Variants in PHYH observed in about 807,000 individuals in gnomAD.
PHYH encodes phytanoyl-CoA 2-hydroxylase.
A neutral mutation model predicts 38.5 loss-of-function variants in PHYH; 32 were observed. The ratio of observed to expected loss-of-function variants is 0.83; its 90% confidence interval spans 0.63 to 1.12. PHYH has a LOEUF of 1.12. Ranked by LOEUF, PHYH falls within the 50% of genes most tolerant of loss-of-function variation. The pLI is 0.00. For missense variants in PHYH, 426 were observed against 434.8 expected, an observed-to-expected ratio of 0.98 and a Z score of 0.18; for synonymous variants, 166 against 157.9, an observed-to-expected ratio of 1.05 and a Z score of -0.38.
chr10:13,281,244 G>A, intron 7 of PHYH, 134 bp from the exon 8 acceptor site: 1 of 842,916 alleles, frequency 1.2e-6, no homozygotes, highest in Non-Finnish European at 2.0e-6. Flanking sequence ...CAGGTCCATT[G>A]CATCCTGTGT....
chr10:13,279,611 C>A (rs1029710098), intron 8 of PHYH, among the ~76,000 whole-genome samples: 3 of 152,168 alleles, frequency 2.0e-5, no homozygotes, highest in East Asian at 3.9e-4. Flanking sequence ...ACTGCCCCAC[C>A]GGGTTTTGGT....
chr10:13,295,739 T>C, intron 2 of PHYH, 133 bp from the exon 3 acceptor site: 1 of 637,526 alleles, frequency 1.6e-6, no homozygotes, highest in Non-Finnish European at 2.8e-6. Flanking sequence ...AGTTTGAGAC[T>C]AGCCCAGGCA....
chr10:13,280,464 G>C (rs1261767261), intron 8 of PHYH, among the ~76,000 whole-genome samples: 1 of 152,248 alleles, frequency 6.6e-6, no homozygotes, highest in Middle Eastern at 3.4e-3. Context: ...CAGCCTTCGA[G>C]TAGCTGGGAC....
rs917549245 is a variant in PHYH, at chr10:13,283,600, T to G, written c.828+90A>C. On this transcript the variant is annotated intron_variant, in intron 7 of 8. Coordinates refer to ENST00000263038, the MANE Select transcript of PHYH (RefSeq NM_006214.4). ...ATGTTAATGCAATTTAATTAAAATT[T>G]TATTCAATTAATTTGAATTCAATGA... 1.1e-5 allele frequency: 14 copies of G among 1,327,472 alleles called. No individual in the cohort carries two copies. The African/African-American group carries it at 1.9e-4, about 18-fold the overall frequency. 82.2% of individuals were successfully genotyped at this position (1,327,472 alleles called of 1,614,324 possible).
Position 13,278,217 on chromosome 10 carries a change from C to A in PHYH, c.*84G>T. 1.1e-6 allele frequency: 1 copy of A among 894,594 alleles called. No individual in the cohort carries two copies. Among genetic ancestry groups the A allele is most frequent in the Non-Finnish European group, 1.9e-6 (1 of 530,078 alleles). The allele number at this position is 894,594 out of a possible 1,614,324, so 55.4% of individuals were successfully genotyped here. Reference sequence around the variant, plus strand: ...TTTTAACAAGTGATAGAAAAGGTTACATCATCTCATTAAGAAAACATTTTC... The same window carrying A: ...TTTTAACAAGTGATAGAAAAGGTTAAATCATCTCATTAAGAAAACATTTTC... On this transcript the variant is annotated 3_prime_UTR_variant, in exon 9 of 9. Coordinates refer to ENST00000263038, the MANE Select transcript of PHYH (RefSeq NM_006214.4).
At chr10:13,292,566 G>A (rs565632098) in intron 4 of PHYH, among the ~76,000 whole-genome samples, 17 of 152,152 alleles carry the variant, frequency 1.1e-4, no homozygotes, top group South Asian at 4.1e-4. Flanking sequence ...TGGTTTAGTC[G>A]TGGGGCCTGG....
chr10:13,280,257 T>G (rs922617660), intron 8 of PHYH, among the ~76,000 whole-genome samples: 5 of 151,998 alleles, frequency 3.3e-5, no homozygotes, highest in African/African-American at 1.2e-4. Flanking sequence ...GTGAGCCACC[T>G]CGCCCAGCCA....
chr10:13,299,081 C>T (rs1401457512), intron 1 of PHYH, among the ~76,000 whole-genome samples: 5 of 145,962 alleles, frequency 3.4e-5, no homozygotes, highest in Non-Finnish European at 1.5e-5. Flanking sequence ...GAGCCGAGAT[C>T]GTACCACTAC....
At chr10:13,287,095 C>G (rs1356208784) in intron 6 of PHYH, among the ~76,000 whole-genome samples, 1 of 152,144 alleles carries the variant, frequency 6.6e-6, no homozygotes, top group Non-Finnish European at 1.5e-5. Flanking sequence ...AATCCTAGCA[C>G]TTTGGGAGGC....
chr10:13,293,090 T>C (rs1170290955), intron 4 of PHYH, among the ~76,000 whole-genome samples: 2 of 152,146 alleles, frequency 1.3e-5, no homozygotes, highest in African/African-American at 4.8e-5. Flanking sequence ...GCAATTTGAG[T>C]ATGAAACCCT....
At chr10:13,290,548 G>A (rs1165175092) in intron 5 of PHYH, among the ~76,000 whole-genome samples, 2 of 151,896 alleles carry the variant, frequency 1.3e-5, no homozygotes, top group Non-Finnish European at 2.9e-5. Flanking sequence ...CTCTCTCATG[G>A]CTGATTTTTA....
At chr10:13,295,373 A>C (rs1420828596) in intron 3 of PHYH, 123 bp downstream of exon 3, 1 of 693,582 alleles carries the variant, frequency 1.4e-6, no homozygotes. Flanking sequence ...CATGCTTCTA[A>C]ACACTTCCCA....
intron 6 of PHYH, among the ~76,000 whole-genome samples, chr10:13,285,435 C>T (rs939182409): frequency 2.0e-5 from 3 of 152,070 alleles, no homozygotes; most frequent in Non-Finnish European, 4.4e-5. Context: ...CCACCCGCCA[C>T]GGCCTCCCAA....
chr10:13,299,534 G>T (rs1469323351), intron 1 of PHYH: 4 of 1,008,274 alleles, frequency 4.0e-6, no homozygotes, highest in East Asian at 1.1e-4. Flanking sequence ...GGAGGGCACC[G>T]TCCTCTCCCC....
chr10:13,277,949 G>T lies in PHYH; in HGVS notation c.*352C>A. On this transcript the variant is annotated 3_prime_UTR_variant, in exon 9 of 9. Coordinates refer to ENST00000263038, the MANE Select transcript of PHYH (RefSeq NM_006214.4). ...TAGGGAATGGGTTTATCAGAAAGGGGATACAAAACATACCCTAAGCTCCAA... is the reference window on the plus strand; with the variant it reads ...TAGGGAATGGGTTTATCAGAAAGGGTATACAAAACATACCCTAAGCTCCAA... 2 of 332,258 alleles carry T rather than the reference G, an allele frequency of 6.0e-6. No individual in the cohort carries two copies. Among genetic ancestry groups the T allele is most frequent in the South Asian group, 5.3e-5 (2 of 37,432 alleles). 20.6% of individuals were successfully genotyped at this position (332,258 alleles called of 1,614,324 possible). A position where few individuals can be genotyped will look rare whatever the true frequency, so the allele number is the denominator to read the frequency against.
chr10:13,283,131 A>ATTTTTTTT (rs398012850), intron 7 of PHYH, among the ~76,000 whole-genome samples: 25,255 of 117,046 alleles, frequency 0.22, 3,416 homozygotes, highest in South Asian at 0.33. Flanking sequence ...TTCATAATCA[A>ATTTTTTTT]TTTTTTTTTT....
intron 6 of PHYH, 113 bp downstream of exon 6, chr10:13,288,247 G>T: frequency 1.1e-6 from 1 of 951,124 alleles, no homozygotes; most frequent in Non-Finnish European, 1.7e-6. Flanking sequence ...TTAGGACAAT[G>T]TTTTGCTCAG....
chr10:13,296,270 T>TGTGCAAAATGTTAACTATG lies in PHYH; in HGVS notation c.135-665_135-664insCATAGTTAACATTTTGCAC, dbSNP rs11271295. On this transcript the variant is annotated intron_variant, in intron 2 of 8. Coordinates refer to ENST00000263038, the MANE Select transcript of PHYH (RefSeq NM_006214.4). ...AAATAATCTGAAAACTTACGCTTTA[T>TGTGCAAAATGTTAACTATG]GTCACCAAAACAAGTGCATTAGTGG... Among the ~76,000 whole-genome samples, 5 of 151,574 alleles carry TGTGCAAAATGTTAACTATG rather than the reference T, an allele frequency of 3.3e-5. 1 individual carries two copies. Among genetic ancestry groups the TGTGCAAAATGTTAACTATG allele is most frequent in the African/African-American group, 1.2e-4 (5 of 41,348 alleles).
chr10:13,290,115 CAAAAAAAAA>C (rs1172422242), intron 5 of PHYH, among the ~76,000 whole-genome samples: 15 of 33,390 alleles, frequency 4.5e-4, no homozygotes, highest in South Asian at 4.5e-3. Context: ...CTAAAAATAC[CAAAAAAAAA>C]AAAAAAAAAA....
Sources: allele counts gnomAD v4.1 joint callset (sites outside exome capture counted in the v4.1 genomes callset), GRCh38; gene constraint gnomAD v4.1.1; transcripts MANE v1.5; gene names NCBI Gene and HGNC (gene_info 2026-07-23, HGNC 2026-07-21).